DOCK1: variants seen among roughly 807,000 people sequenced by gnomAD.
The protein encoded by DOCK1 is dedicator of cytokinesis 1.
A neutral mutation model predicts 262.7 loss-of-function variants in DOCK1; 138 were observed. The observed-to-expected ratio is 0.53, with a 90% CI of 0.46 to 0.61. The LOEUF (loss-of-function observed/expected upper bound fraction) is 0.61, where lower values mean the gene tolerates loss of function less well. Among genes scored for constraint, DOCK1 ranks in the 20% least tolerant of loss-of-function variants. DOCK1 has a pLI of 0.00. For synonymous variants in DOCK1, 866 were observed against 867.4 expected, an observed-to-expected ratio of 1.00 and a Z score of 0.03; for missense variants, 1,908 against 2,370.7, an observed-to-expected ratio of 0.80 and a Z score of 4.05.
intron 1 of DOCK1, among the ~76,000 whole-genome samples, chr10:126,950,713 GC>G (rs2036139455): frequency 1.3e-5 from 2 of 152,112 alleles, no homozygotes; most frequent in Non-Finnish European, 2.9e-5. Flanking sequence ...CCTGCTCTTT[GC>G]CTCAGAGTCT....
At chr10:126,919,200 C>T (rs1201432666) in intron 1 of DOCK1, among the ~76,000 whole-genome samples, 3 of 152,196 alleles carry the variant, frequency 2.0e-5, no homozygotes, top group Non-Finnish European at 4.4e-5. Flanking sequence ...GGAACTCAAG[C>T]ATTTGCTTCT....
At chr10:127,247,906 C>A in intron 27 of DOCK1, 102 bp from the exon 28 acceptor site, 1 of 1,143,626 alleles carries the variant, frequency 8.7e-7, no homozygotes, top group Non-Finnish European at 1.3e-6. Context: ...TGCCCCGTTG[C>A]TTCTCCCTGA....
intron 7 of DOCK1, among the ~76,000 whole-genome samples, chr10:126,997,155 A>G (rs187550861): frequency 6.6e-6 from 1 of 152,292 alleles, no homozygotes; most frequent in East Asian, 1.9e-4. Context: ...CAAATGAGAC[A>G]CAAGACTTGA....
chr10:127,428,331 G>T (rs1378233260), intron 47 of DOCK1, among the ~76,000 whole-genome samples: 1 of 151,774 alleles, frequency 6.6e-6, no homozygotes, highest in East Asian at 1.9e-4. Context: ...TGAGTTCTGA[G>T]TGTGCTTGCT....
At chr10:127,178,538 C>G (rs868658694) in intron 27 of DOCK1, among the ~76,000 whole-genome samples, 1 of 152,306 alleles carries the variant, frequency 6.6e-6, no homozygotes, top group South Asian at 2.1e-4. Flanking sequence ...TGGCAGAGAA[C>G]CACTGCATTA....
At chr10:127,438,420 C>T (rs145118251) in intron 48 of DOCK1, among the ~76,000 whole-genome samples, 11 of 152,278 alleles carry the variant, frequency 7.2e-5, no homozygotes, top group Non-Finnish European at 1.0e-4. Context: ...CCAGAGGTTA[C>T]GAGGACATCA....
At chr10:127,420,007 C>T (rs541861074) in intron 46 of DOCK1, among the ~76,000 whole-genome samples, 6 of 152,272 alleles carry the variant, frequency 3.9e-5, no homozygotes, top group Admixed American at 2.6e-4. Flanking sequence ...TCAATTCTGC[C>T]GGCTGCTGGA....
chr10:126,940,368 C>A (rs1005831651), intron 1 of DOCK1, among the ~76,000 whole-genome samples: 1 of 152,140 alleles, frequency 6.6e-6, no homozygotes, highest in African/African-American at 2.4e-5. Flanking sequence ...TATTAGATGA[C>A]AGGAGTCTGC....
At chr10:127,387,084 C>A (rs12221270) in intron 38 of DOCK1, among the ~76,000 whole-genome samples, 2 of 152,172 alleles carry the variant, frequency 1.3e-5, no homozygotes, top group Admixed American at 1.3e-4. Context: ...CCGGGAGGCC[C>A]GAGGGCCAGA....
chr10:127,042,472 G>GT (rs2044083173), intron 19 of DOCK1, among the ~76,000 whole-genome samples, 153 bp from the exon 20 acceptor site: 1 of 152,112 alleles, frequency 6.6e-6, no homozygotes, highest in Non-Finnish European at 1.5e-5. Flanking sequence ...TTTGTCTTGT[G>GT]TATCTAGTGG....
At chr10:127,450,726 G>A (rs1159689369) in intron 51 of DOCK1, among the ~76,000 whole-genome samples, 1 of 152,134 alleles carries the variant, frequency 6.6e-6, no homozygotes, top group Admixed American at 6.5e-5. Flanking sequence ...GGAATCTAAA[G>A]TAATATATGC....
intron 27 of DOCK1, among the ~76,000 whole-genome samples, chr10:127,210,798 C>T (rs984176588): frequency 6.6e-6 from 1 of 152,134 alleles, no homozygotes; most frequent in Non-Finnish European, 1.5e-5. Flanking sequence ...AGATCCTCTC[C>T]CTCCGCTGCA....
chr10:127,297,858 T>C (rs1190490056), intron 29 of DOCK1, among the ~76,000 whole-genome samples: 2 of 152,116 alleles, frequency 1.3e-5, no homozygotes, highest in Non-Finnish European at 2.9e-5. Context: ...TATTCAGACG[T>C]GTCGGAGCGA....
intron 27 of DOCK1, among the ~76,000 whole-genome samples, chr10:127,148,894 C>G (rs1022396466): frequency 1.3e-5 from 2 of 152,054 alleles, no homozygotes; most frequent in African/African-American, 4.8e-5. Flanking sequence ...TGCATCACAA[C>G]CGAAGGGATG....
intron 27 of DOCK1, among the ~76,000 whole-genome samples, chr10:127,239,796 CGT>C (rs1284679744): frequency 3.9e-5 from 6 of 152,024 alleles, no homozygotes; most frequent in East Asian, 3.9e-4. Context: ...ATAAAAATAA[CGT>C]ATAAAATTTT....
chr10:127,245,116 A>G (rs1343708692), intron 27 of DOCK1, among the ~76,000 whole-genome samples: 1 of 152,204 alleles, frequency 6.6e-6, no homozygotes, highest in African/African-American at 2.4e-5. Context: ...TGGAAACCAT[A>G]AGGCTTCATG....
At chr10:126,958,153 G>A (rs1429443805) in intron 1 of DOCK1, among the ~76,000 whole-genome samples, 1 of 152,190 alleles carries the variant, frequency 6.6e-6, no homozygotes, top group African/African-American at 2.4e-5. Flanking sequence ...AAAAGTCACT[G>A]AGCTGATCAC....
chr10:127,132,326 A>G (rs773880498), intron 27 of DOCK1, among the ~76,000 whole-genome samples: 2 of 152,214 alleles, frequency 1.3e-5, no homozygotes, highest in Non-Finnish European at 2.9e-5. Context: ...GAAAAAACCA[A>G]AACAACTCTA....
intron 25 of DOCK1, among the ~76,000 whole-genome samples, chr10:127,116,584 A>AG (rs1489714559): frequency 6.6e-6 from 1 of 152,200 alleles, no homozygotes; most frequent in Admixed American, 6.5e-5. Context: ...ATTATAGAAA[A>AG]GTTGCGTGTT....
Sources: allele counts gnomAD v4.1 joint callset (sites outside exome capture counted in the v4.1 genomes callset), GRCh38; gene constraint gnomAD v4.1.1; transcripts MANE v1.5; gene names NCBI Gene and HGNC (gene_info 2026-07-23, HGNC 2026-07-21).